ADGB: variants seen among roughly 807,000 people sequenced by gnomAD.
ADGB encodes androglobin, also known as calpain-7-like protein.
A neutral mutation model predicts 210.5 loss-of-function variants in ADGB; 172 were observed. The ratio of observed to expected loss-of-function variants is 0.82; its 90% confidence interval spans 0.72 to 0.93. ADGB has a LOEUF of 0.93. Among genes scored for constraint, ADGB ranks in the 40% least tolerant of loss-of-function variants. The pLI is 0.00. For synonymous variants in ADGB, 658 were observed against 662.7 expected, an observed-to-expected ratio of 0.99 and a Z score of 0.11; for missense variants, 2,025 against 1,964.8, an observed-to-expected ratio of 1.03 and a Z score of -0.58.
chr6:146,632,303 A>G (rs1289889868), intron 1 of ADGB, among the ~76,000 whole-genome samples: 1 of 151,974 alleles, frequency 6.6e-6, no homozygotes, highest in Non-Finnish European at 1.5e-5. Context: ...CAAACCCAGC[A>G]ATTTTCCCTT....
At chr6:146,811,916 C>T (rs1289058291) in intron 35 of ADGB, among the ~76,000 whole-genome samples, 5 of 152,062 alleles carry the variant, frequency 3.3e-5, no homozygotes, top group African/African-American at 9.7e-5. Context: ...CCTCATGATC[C>T]GCCTGCCTTG....
chr6:146,612,324 A>T (rs1198871669), intron 1 of ADGB, among the ~76,000 whole-genome samples: 2 of 152,190 alleles, frequency 1.3e-5, no homozygotes, highest in Non-Finnish European at 2.9e-5. Context: ...GTGGACAAAT[A>T]TATCTGGATG....
Position 146,692,824 on chromosome 6 carries a change from G to C in ADGB, c.1487-1G>C. 6.7e-7 allele frequency: 1 copy of C among 1,491,398 alleles called. No individual in the cohort carries two copies. Among genetic ancestry groups the C allele is most frequent in the Non-Finnish European group, 9.0e-7 (1 of 1,107,220 alleles). 92.4% of individuals were successfully genotyped at this position (1,491,398 alleles called of 1,614,324 possible). ...CATACTTTCTAACTGCTACTTTTTA[G>C]AGTTAATAGTAAAGAAGCCTGAACG... On this transcript the variant is annotated splice_acceptor_variant, in intron 11 of 35. Transcript: ENST00000397944. LOFTEE classifies it high-confidence loss of function.
intron 10 of ADGB, among the ~76,000 whole-genome samples, chr6:146,688,402 G>T (rs1312877590): frequency 6.6e-6 from 1 of 152,102 alleles, no homozygotes; most frequent in Non-Finnish European, 1.5e-5. Context: ...AAGAAGTTAG[G>T]CAAGTAAATG....
At chr6:146,779,405 A>G (rs1041535157) in intron 29 of ADGB, among the ~76,000 whole-genome samples, 2 of 152,244 alleles carry the variant, frequency 1.3e-5, no homozygotes, top group African/African-American at 4.8e-5. Flanking sequence ...CAGAAAGGCT[A>G]TTTGAACTAA....
intron 27 of ADGB, among the ~76,000 whole-genome samples, chr6:146,756,586 C>T (rs1178922291): frequency 2.0e-5 from 3 of 152,092 alleles, no homozygotes; most frequent in East Asian, 3.9e-4. Context: ...GTCTGACTTT[C>T]AAGTTTCTTC....
intron 14 of ADGB, among the ~76,000 whole-genome samples, chr6:146,715,637 TA>T (rs1170179882): frequency 6.6e-6 from 1 of 152,140 alleles, no homozygotes; most frequent in African/African-American, 2.4e-5. Flanking sequence ...TACCCACAAA[TA>T]AAGTTCATGT....
intron 5 of ADGB, among the ~76,000 whole-genome samples, chr6:146,663,582 T>C (rs1775897099): frequency 2.6e-5 from 4 of 152,052 alleles, no homozygotes; most frequent in Non-Finnish European, 5.9e-5. Context: ...TCTGTATGTA[T>C]ACACACATAG....
intron 12 of ADGB, among the ~76,000 whole-genome samples, chr6:146,693,963 T>G (rs1006915949): frequency 6.6e-5 from 10 of 152,142 alleles, no homozygotes; most frequent in African/African-American, 2.4e-4. Context: ...CTACCAGAAT[T>G]TAGTTCACAG....
chr6:146,760,374 C>A (rs997190584), intron 27 of ADGB, among the ~76,000 whole-genome samples: 1 of 151,748 alleles, frequency 6.6e-6, no homozygotes, highest in Non-Finnish European at 1.5e-5. Context: ...CTTTTGACAC[C>A]GGCTTCTTTT....
In ADGB at chr6:146,788,482, C is replaced by T. The variant is rs747324258; in HGVS notation, c.4409C>T (p.Ala1470Val). Reference protein sequence around the residue: ...KEMTQTGSGSAVWKKWQLTKG... With the variant: ...KEMTQTGSGSVVWKKWQLTKG... ...ATGACACAAACAGGATCAGGGAGTGCGGTGTGGAAGAAGTGGCAATTGACC... is the reference window on the plus strand; with the variant it reads ...ATGACACAAACAGGATCAGGGAGTGTGGTGTGGAAGAAGTGGCAATTGACC... Residue 1470 changes from alanine (A) to valine (V), a missense_variant, in exon 33 of 36, where the codon GCG (alanine) becomes GTG (valine). Transcript: ENST00000397944. 63 of 1,551,350 alleles carry T rather than the reference C, an allele frequency of 4.1e-5. No individual in the cohort carries two copies. Among genetic ancestry groups the T allele is most frequent in the Admixed American group, 1.6e-4 (8 of 50,946 alleles).
intron 8 of ADGB, among the ~76,000 whole-genome samples, chr6:146,672,727 C>CTTTTTTTT (rs58547170): frequency 7.0e-6 from 1 of 142,820 alleles, no homozygotes. Context: ...GTTTTTCTTT[C>CTTTTTTTT]TTTTTTTTTT....
intron 13 of ADGB, among the ~76,000 whole-genome samples, chr6:146,704,683 A>G (rs1304447524): frequency 6.6e-6 from 1 of 152,010 alleles, no homozygotes; most frequent in Non-Finnish European, 1.5e-5. Context: ...GGGTTACTAT[A>G]GCTTTGTAGT....
intron 35 of ADGB, chr6:146,807,564 A>C: frequency 6.5e-7 from 1 of 1,538,160 alleles, no homozygotes; most frequent in South Asian, 1.2e-5. Context: ...CACACAGAAA[A>C]AAAAGAAAGG....
intron 4 of ADGB, among the ~76,000 whole-genome samples, chr6:146,655,353 T>A (rs1775764209): frequency 6.6e-6 from 1 of 152,104 alleles, no homozygotes; most frequent in African/African-American, 2.4e-5. Flanking sequence ...CAATACCTCT[T>A]CCAAACCAGC....
At chr6:146,611,286 C>T (rs992367568) in intron 1 of ADGB, among the ~76,000 whole-genome samples, 1 of 151,904 alleles carries the variant, frequency 6.6e-6, no homozygotes, top group Non-Finnish European at 1.5e-5. Context: ...TAGATTGTTC[C>T]CATTCCATGG....
Position 146,644,777 on chromosome 6 carries a change from T to A in ADGB, c.242T>A (p.Phe81Tyr). The change falls in exon 3 of 36, where the codon TTT becomes TAT. Residue 81 changes from phenylalanine (F) to tyrosine (Y), a missense_variant. By Grantham distance (22) the Phe-to-Tyr change is conservative. Transcript: ENST00000397944. ...DKTGKSPVFH[F>Y]FEDPEGKIEL... Reference sequence around the variant, plus strand: ...ACTCAATTTATTTTTATATAGCATTTTTTTGAGGACCCTGAAGGAAAGATT... The same window carrying A: ...ACTCAATTTATTTTTATATAGCATTATTTTGAGGACCCTGAAGGAAAGATT... 12 of 1,454,124 alleles carry A rather than the reference T, an allele frequency of 8.3e-6. No homozygotes were observed. Among genetic ancestry groups the A allele is most frequent in the Non-Finnish European group, 1.1e-5 (12 of 1,100,620 alleles). The allele number at this position is 1,454,124 out of a possible 1,614,324, so 90.1% of individuals were successfully genotyped here.
intron 2 of ADGB, among the ~76,000 whole-genome samples, chr6:146,641,545 A>G (rs1451699353): frequency 6.6e-6 from 1 of 152,020 alleles, no homozygotes; most frequent in African/African-American, 2.4e-5. Context: ...TGGTACTGAT[A>G]TGAAAACAGG....
chr6:146,770,564 G>C (rs1182138878), intron 29 of ADGB: 1 of 469,850 alleles, frequency 2.1e-6, no homozygotes, highest in East Asian at 7.0e-5. Flanking sequence ...ATGTCAATAA[G>C]TGTTTAATGA....
Sources: allele counts gnomAD v4.1 joint callset (sites outside exome capture counted in the v4.1 genomes callset), GRCh38; gene constraint gnomAD v4.1.1; transcripts MANE v1.5; gene names NCBI Gene and HGNC (gene_info 2026-07-23, HGNC 2026-07-21).